The following HSD17B12 variants were observed in gnomAD, a reference collection of about 807,000 sequenced individuals.
HSD17B12 encodes the protein very-long-chain 3-oxoacyl-CoA reductase.
In HSD17B12, 32 loss-of-function variants were observed where a neutral mutation model predicts 39.3. That is an observed-to-expected ratio of 0.81 (90% confidence interval 0.61 to 1.09). The LOEUF (loss-of-function observed/expected upper bound fraction) is 1.09, where lower values mean the gene tolerates loss of function less well. HSD17B12 is among the 50% of genes least tolerant of loss of function. The pLI is 0.00. For synonymous variants in HSD17B12, 150 were observed against 146.7 expected, an observed-to-expected ratio of 1.02 and a Z score of -0.16; for missense variants, 342 against 382.9, an observed-to-expected ratio of 0.89 and a Z score of 0.89.
chr11:43,575,543 G>A, the HSD17B12 span, among the ~76,000 whole-genome samples: 3 of 152,372 alleles, frequency 2.0e-5, no homozygotes, highest in East Asian at 5.8e-4. The surrounding 1 kb of genome is among the most constrained non-coding windows in gnomAD (Gnocchi z 4.1). Flanking sequence ...GCCCCTCGGG[G>A]CCCCGCTTGC....
At chr11:43,808,668 A>G (rs951549028) in intron 4 of HSD17B12, among the ~76,000 whole-genome samples, 1 of 152,246 alleles carries the variant, frequency 6.6e-6, no homozygotes. Context: ...AAGATCACAT[A>G]GCAATTTATA....
chr11:43,585,836 G>A, the HSD17B12 span, among the ~76,000 whole-genome samples: 1 of 152,150 alleles, frequency 6.6e-6, no homozygotes, highest in African/African-American at 2.4e-5. Flanking sequence ...AAATAATAAG[G>A]CGGGGTGGTG....
the HSD17B12 span, among the ~76,000 whole-genome samples, chr11:43,599,202 G>A: frequency 4.9e-4 from 74 of 152,254 alleles, 1 homozygote; most frequent in East Asian, 0.012. Context: ...TAGATGGCAG[G>A]ACTCGGTGTG....
At chr11:43,774,711 T>C (rs1332573920) in intron 3 of HSD17B12, among the ~76,000 whole-genome samples, 2 of 152,160 alleles carry the variant, frequency 1.3e-5, no homozygotes, top group African/African-American at 4.8e-5. Flanking sequence ...GATTGGTACT[T>C]ATATTATTCT....
intron 1 of HSD17B12, among the ~76,000 whole-genome samples, chr11:43,682,053 A>T (rs1207115838): frequency 2.0e-5 from 3 of 152,206 alleles, no homozygotes; most frequent in Non-Finnish European, 4.4e-5. Context: ...GGGCTCAGGT[A>T]AGATACACTA....
chr11:43,788,093 A>C (rs930414151), intron 3 of HSD17B12, among the ~76,000 whole-genome samples: 3 of 152,294 alleles, frequency 2.0e-5, no homozygotes, highest in South Asian at 2.1e-4. Flanking sequence ...TTTATGTGTG[A>C]AAGAAGAAGG....
chr11:43,579,704 G>T, the HSD17B12 span, among the ~76,000 whole-genome samples: 1 of 152,132 alleles, frequency 6.6e-6, no homozygotes, highest in East Asian at 1.9e-4. Context: ...GTGTGTGCTT[G>T]CGTCTGTCAG....
At chr11:43,619,226 A>C in the HSD17B12 span, among the ~76,000 whole-genome samples, 1 of 36,268 alleles carries the variant, frequency 2.8e-5, no homozygotes, top group Non-Finnish European at 5.1e-5. Context: ...ATATATATAT[A>C]TGATATATAT....
intron 3 of HSD17B12, among the ~76,000 whole-genome samples, chr11:43,794,773 T>C (rs1319237995): frequency 6.6e-6 from 1 of 152,206 alleles, no homozygotes. Flanking sequence ...ATTGTGTGGC[T>C]CATATCATAT....
At chr11:43,799,069 C>T (rs934097840) in intron 4 of HSD17B12, among the ~76,000 whole-genome samples, 5 of 152,134 alleles carry the variant, frequency 3.3e-5, no homozygotes, top group Admixed American at 6.6e-5. Flanking sequence ...GACTCATTTA[C>T]ATACAGTTGA....
intron 8 of HSD17B12, among the ~76,000 whole-genome samples, chr11:43,838,941 C>G (rs1182260803): frequency 6.6e-6 from 1 of 152,088 alleles, no homozygotes; most frequent in Admixed American, 6.6e-5. Flanking sequence ...CCAGAACTCT[C>G]TGGACAATGT....
At chr11:43,699,742 G>A (rs1949945760) in intron 1 of HSD17B12, among the ~76,000 whole-genome samples, 1 of 152,150 alleles carries the variant, frequency 6.6e-6, no homozygotes, top group South Asian at 2.1e-4. Flanking sequence ...AACACCAGTA[G>A]GGAGGAGATA....
intron 3 of HSD17B12, 55 bp from the exon 4 acceptor site, chr11:43,798,265 C>T: frequency 1.0e-6 from 1 of 990,154 alleles, no homozygotes. Flanking sequence ...TTAATCTTCA[C>T]TGCCATGTAC....
chr11:43,682,306 A>G (rs1469428376), intron 1 of HSD17B12, among the ~76,000 whole-genome samples: 3 of 152,196 alleles, frequency 2.0e-5, no homozygotes, highest in African/African-American at 4.8e-5. Flanking sequence ...TAATCCCAGC[A>G]TTTTGGGAGG....
chr11:43,833,553 T>C (rs1951335640), intron 7 of HSD17B12: 1 of 152,240 alleles, frequency 6.6e-6, no homozygotes, highest in African/African-American at 2.4e-5. Flanking sequence ...ATTAGCTGTA[T>C]GCCCAAAGAG....
the HSD17B12 span, among the ~76,000 whole-genome samples, chr11:43,613,294 A>T: frequency 1.3e-5 from 2 of 151,872 alleles, no homozygotes; most frequent in Admixed American, 1.3e-4. Flanking sequence ...CGGGAGGCTG[A>T]GGTATGGAAA....
At chr11:43,574,868 A>C in the HSD17B12 span, among the ~76,000 whole-genome samples, 2 of 152,084 alleles carry the variant, frequency 1.3e-5, no homozygotes, top group Admixed American at 6.5e-5. Context: ...TCTTTGTTGA[A>C]TTTTCTCCTC....
chr11:43,734,230 C>T (rs9971430), intron 1 of HSD17B12: 331,368 of 1,489,394 alleles, frequency 0.22, 39,011 homozygotes, highest in Middle Eastern at 0.33. Flanking sequence ...GAGCAGCCAC[C>T]TTTGGGTTCA....
At chr11:43,711,091 C>T (rs905700467) in intron 1 of HSD17B12, among the ~76,000 whole-genome samples, 6 of 152,138 alleles carry the variant, frequency 3.9e-5, no homozygotes, top group Non-Finnish European at 7.3e-5. Flanking sequence ...CCGTACCTGG[C>T]CTAGCTGTCA....
Sources: gnomAD v4.1 joint callset for allele counts (sites outside exome capture counted in the v4.1 genomes callset) on GRCh38, gnomAD v4.1.1 for gene constraint, Gnocchi (gnomAD v3.1) non-coding constraint, MANE v1.5 for transcripts, NCBI Gene and HGNC (gene_info 2026-07-23, HGNC 2026-07-21) for gene names.